EGFL6: variants seen among roughly 807,000 people sequenced by gnomAD.
The protein encoded by EGFL6 is EGF like domain multiple 6.
A neutral mutation model predicts 43.1 loss-of-function variants in EGFL6; 42 were observed. The ratio of observed to expected loss-of-function variants is 0.98; its 90% confidence interval spans 0.76 to 1.26. The LOEUF (loss-of-function observed/expected upper bound fraction) is 1.26, where lower values mean the gene tolerates loss of function less well. Among genes scored for constraint, EGFL6 ranks in the 50% most tolerant of loss-of-function variants. The probability of loss-of-function intolerance (pLI) is 0.00; values close to 1 mark genes in which losing one functional copy is unlikely to be tolerated. For missense variants in EGFL6, 429 were observed against 427.8 expected, an observed-to-expected ratio of 1.00 and a Z score of -0.02; for synonymous variants, 164 against 163.2, an observed-to-expected ratio of 1.01 and a Z score of -0.04.
At chrX:13,627,844 C>T (rs991686762) in intron 11 of EGFL6, among the ~76,000 whole-genome samples, 2 of 111,774 alleles carry the variant, frequency 1.8e-5, no homozygotes, top group East Asian at 5.6e-4. Context: ...CAGGCAGAGG[C>T]TTGCAGTTTT....
Position 13,617,921 on chromosome X carries a change from A to T in EGFL6, c.970A>T (p.Arg324Ter). 1 of 1,211,726 alleles carries T rather than the reference A, an allele frequency of 8.3e-7. No homozygotes were observed. The highest frequency in any genetic ancestry group is 1.8e-5 in the South Asian group (1 of 56,972). Residue 324 changes from arginine to a stop codon, truncating the protein, a stop_gained, in exon 8 of 12, where the codon AGA becomes TGA. Coordinates refer to ENST00000361306, the MANE Select transcript of EGFL6 (RefSeq NM_015507.4). LOFTEE classifies it high-confidence loss of function. ...CTTCAACTATGAAGAGATAGTTTCC[A>T]GAGGCGGGAACTCTCATGGAGGTAA... Reference protein sequence around the residue: ...QPFNYEEIVSRGGNSHGGKKG... With the variant: ...QPFNYEEIVS
intron 10 of EGFL6, among the ~76,000 whole-genome samples, chrX:13,626,783 T>A (rs1199482699): frequency 1.8e-5 from 2 of 112,493 alleles, no homozygotes; most frequent in East Asian, 5.6e-4. Context: ...TGCAAAAAAT[T>A]CCTCGGTTTC....
At chrX:13,583,925 C>T (rs2146964226) in intron 1 of EGFL6, among the ~76,000 whole-genome samples, 1 of 111,767 alleles carries the variant, frequency 8.9e-6, no homozygotes, top group Non-Finnish European at 1.9e-5. Flanking sequence ...TAAGGCAGGT[C>T]CTTCTGTGGG....
intron 4 of EGFL6, among the ~76,000 whole-genome samples, chrX:13,601,164 T>G: frequency 8.9e-6 from 1 of 112,003 alleles, no homozygotes; most frequent in Non-Finnish European, 1.9e-5. Context: ...AAGCAGATTG[T>G]TTTAGGGAAG....
chrX:13,617,330 G>A (rs2045724413), intron 7 of EGFL6, among the ~76,000 whole-genome samples: 1 of 111,950 alleles, frequency 8.9e-6, no homozygotes, highest in South Asian at 3.7e-4. Flanking sequence ...TGCTGTAGCT[G>A]TAATTTTTGA....
Position 13,619,158 on chromosome X carries a change from A to G in EGFL6, c.1103-5A>G. ...TTTCTTAACTGACCAAGTGTTCTTT[A>G]TTAGTCCCTAAGGTGAATGAAGCAG... On this transcript the variant is annotated splice_polypyrimidine_tract_variant and splice_region_variant and intron_variant, in intron 8 of 11. Transcript: ENST00000361306. 1 of 1,209,065 alleles carries G rather than the reference A, an allele frequency of 8.3e-7. No individual in the cohort carries two copies.
At chrX:13,630,736 C>T (rs115900496) in intron 11 of EGFL6, among the ~76,000 whole-genome samples, 1,526 of 111,966 alleles carry the variant, frequency 0.014, 26 homozygotes, top group African/African-American at 0.047. Flanking sequence ...TGAGGTTTCT[C>T]TTCTTTGGAG....
intron 9 of EGFL6, among the ~76,000 whole-genome samples, chrX:13,619,747 G>T (rs1030532456): frequency 1.8e-5 from 2 of 111,699 alleles, no homozygotes; most frequent in South Asian, 3.8e-4. Context: ...GCTAGGCTGG[G>T]TGGGCTCACT....
rs1259712141 is a variant in EGFL6 at position 13,622,274 on chromosome X, C to G, written c.1184-1550C>G. Among the ~76,000 whole-genome samples the G allele has an allele frequency of 2.7e-5, 3 of 112,122 alleles. No homozygotes were observed. In the Admixed American group the frequency reaches 2.8e-4, roughly 11 times the overall value. ...TAGGATATGTGCAAGATGGAAGGTC[C>G]TGGATTGCAGTCTGATTTGGGATTC... On this transcript the variant is annotated intron_variant, in intron 9 of 11. Coordinates refer to ENST00000361306, the MANE Select transcript of EGFL6 (RefSeq NM_015507.4).
At chrX:13,625,885 C>CAAAAAAAAAAAAA (rs755901799) in intron 10 of EGFL6, among the ~76,000 whole-genome samples, 5 of 30,865 alleles carry the variant, frequency 1.6e-4, no homozygotes, top group African/African-American at 5.5e-4. Context: ...GACCCTGCCT[C>CAAAAAAAAAAAAA]AAAAAAAAAA....
chrX:13,598,572 T>C lies in EGFL6; in HGVS notation c.281-1403T>C, dbSNP rs1323549303. 5.5e-5 allele frequency among the ~76,000 whole-genome samples: 6 copies of C among 109,236 alleles called. No homozygotes were observed. The Admixed American group carries it at 6.0e-4, about 11-fold the overall frequency. The allele number at this position is 109,236 out of a possible 115,157, so 94.9% of individuals were successfully genotyped here. On this transcript the variant is annotated intron_variant, in intron 3 of 11. Coordinates refer to ENST00000361306, the MANE Select transcript of EGFL6 (RefSeq NM_015507.4). ...ACTTATTCTTAAGTTGTTGTTGTTG[T>C]TGTTGTTGTTGTTGTTGTTTTAGAA... is the stretch of plus-strand genomic sequence containing the variant.
intron 7 of EGFL6, among the ~76,000 whole-genome samples, chrX:13,610,488 C>T (rs758323511): frequency 1.4e-4 from 16 of 111,630 alleles, no homozygotes; most frequent in Non-Finnish European, 2.8e-4. Flanking sequence ...GTTTCTATCC[C>T]TCTAGATAGA....
chrX:13,601,458 C>G, intron 4 of EGFL6, among the ~76,000 whole-genome samples: 1 of 111,633 alleles, frequency 9.0e-6, no homozygotes, highest in Non-Finnish European at 1.9e-5. Flanking sequence ...CTCCCCTTTT[C>G]TCTCTCCATC....
chrX:13,579,118 A>G (rs2039025110), intron 1 of EGFL6, among the ~76,000 whole-genome samples: 1 of 110,336 alleles, frequency 9.1e-6, no homozygotes, highest in African/African-American at 3.3e-5. Flanking sequence ...TTTTAGGTTC[A>G]GGGGTACCTG....
At position 13,617,780 on chromosome X, in the gene EGFL6, A is replaced by G; in HGVS notation, c.829A>G (p.Lys277Glu). 1 of 1,211,954 alleles carries G rather than the reference A, an allele frequency of 8.3e-7. No individual in the cohort carries two copies. Among genetic ancestry groups the G allele is most frequent in the African/African-American group, 1.7e-5 (1 of 57,882 alleles). Reference sequence around the variant, plus strand: ...AGTCCTCAGAGCACCTGGTACCATCAAAGACAGAATCAAGAAGTTGCTTGC... The same window carrying G: ...AGTCCTCAGAGCACCTGGTACCATCGAAGACAGAATCAAGAAGTTGCTTGC... ...KEVLRAPGTI[K>E]DRIKKLLAHK... is the part of the protein sequence containing the mutation. The change falls in exon 8 of 12, where the codon AAA (lysine) becomes GAA (glutamate). Residue 277 changes from lysine to glutamate, a missense_variant. Coordinates refer to ENST00000361306, the MANE Select transcript of EGFL6 (RefSeq NM_015507.4).
intron 9 of EGFL6, among the ~76,000 whole-genome samples, chrX:13,620,430 C>T (rs1245041246): frequency 9.1e-6 from 1 of 110,150 alleles, no homozygotes; most frequent in Non-Finnish European, 1.9e-5. Context: ...ATTAGCATAA[C>T]CTTGTGCTAA....
intron 4 of EGFL6, among the ~76,000 whole-genome samples, chrX:13,601,574 T>C (rs1238107575): frequency 2.7e-5 from 3 of 111,705 alleles, no homozygotes; most frequent in African/African-American, 9.8e-5. Flanking sequence ...TCCTGGGTTT[T>C]CCCGAGATTA....
At chrX:13,582,304 G>A (rs996354501) in intron 1 of EGFL6, among the ~76,000 whole-genome samples, 1 of 109,894 alleles carries the variant, frequency 9.1e-6, no homozygotes, top group Admixed American at 9.7e-5. Context: ...CTCTTGATCC[G>A]CCCACCTCGG....
intron 7 of EGFL6, among the ~76,000 whole-genome samples, chrX:13,608,809 C>T (rs911206727): frequency 1.8e-5 from 2 of 112,452 alleles, no homozygotes; most frequent in African/African-American, 6.5e-5. Flanking sequence ...ACAAGCAAAC[C>T]TAAAATAACA....
Sources: allele counts gnomAD v4.1 joint callset (sites outside exome capture counted in the v4.1 genomes callset), GRCh38; gene constraint gnomAD v4.1.1; transcripts MANE v1.5; gene names NCBI Gene and HGNC (gene_info 2026-07-23, HGNC 2026-07-21).